PRSS23: variants seen among roughly 807,000 people sequenced by gnomAD.
PRSS23 encodes serine protease 23, also known as protease, serine 23.
A neutral mutation model predicts 34.7 loss-of-function variants in PRSS23; 25 were observed. The observed-to-expected ratio is 0.72, with a 90% confidence interval of 0.53 to 1.01. The LOEUF (loss-of-function observed/expected upper bound fraction) is 1.01, where lower values mean the gene tolerates loss of function less well. Ranked by LOEUF, PRSS23 falls within the 50% of genes least tolerant of loss-of-function variation. The pLI, the probability that PRSS23 is intolerant of heterozygous loss-of-function variation, is 0.00. For synonymous variants in PRSS23, 176 were observed against 186.6 expected (o/e 0.94, Z 0.46); for missense variants, 445 against 475.6 (o/e 0.94, Z 0.60).
chr11:86,812,800 AAAAAG>A (rs1335953419), downstream of PRSS23, among the ~76,000 whole-genome samples: 5 of 147,724 alleles, frequency 3.4e-5, no homozygotes, highest in Non-Finnish European at 7.4e-5. Flanking sequence ...AAAAAAAAAA[AAAAAG>A]AAAAAGAAAA....
At chr11:86,843,276 T>C (rs1565363501) in intron 2 of PRSS23, among the ~76,000 whole-genome samples, 1 of 152,160 alleles carries the variant, frequency 6.6e-6, no homozygotes, top group Non-Finnish European at 1.5e-5. Flanking sequence ...TAACTCAAGA[T>C]GGATTAAAGA....
chr11:86,870,015 C>T (rs1002580796), intron 2 of PRSS23, among the ~76,000 whole-genome samples: 5 of 152,218 alleles, frequency 3.3e-5, no homozygotes, highest in African/African-American at 7.2e-5. Context: ...TTCTCTGACT[C>T]TCTCTTTCAA....
At chr11:86,878,023 C>T (rs1948736538) in intron 2 of PRSS23, among the ~76,000 whole-genome samples, 2 of 151,872 alleles carry the variant, frequency 1.3e-5, no homozygotes, top group Non-Finnish European at 2.9e-5. Context: ...CTTTAAATTT[C>T]TTTCAGTAAT....
intron 1 of PRSS23, chr11:86,823,214 T>C: frequency 1.7e-6 from 1 of 604,610 alleles, no homozygotes; most frequent in South Asian, 2.0e-5. Flanking sequence ...CTATTTCTTT[T>C]ACTTTAGTAT....
chr11:86,800,452 G>C (rs528502340), upstream of PRSS23: 1 of 983,974 alleles, frequency 1.0e-6, no homozygotes, highest in East Asian at 1.1e-4. Flanking sequence ...CGTCCGCGCG[G>C]CTTCCCCGAG....
At chr11:86,830,707 G>A (rs960718595) in intron 2 of PRSS23, among the ~76,000 whole-genome samples, 10 of 152,088 alleles carry the variant, frequency 6.6e-5, no homozygotes, top group South Asian at 2.1e-4. Flanking sequence ...AATATTATTC[G>A]TAATATCCTA....
chr11:86,872,535 T>C (rs776638929), intron 2 of PRSS23, among the ~76,000 whole-genome samples: 1 of 152,208 alleles, frequency 6.6e-6, no homozygotes, highest in Non-Finnish European at 1.5e-5. Context: ...CAAGTTTTAT[T>C]TATATTTGTC....
intron 2 of PRSS23, among the ~76,000 whole-genome samples, chr11:86,842,984 C>T (rs1948459700): frequency 6.6e-6 from 1 of 152,120 alleles, no homozygotes. Flanking sequence ...GCAAAAAGAA[C>T]AAAGATGGAG....
chr11:86,910,788 C>G (rs1463694973), intron 2 of PRSS23: 1 of 152,066 alleles, frequency 6.6e-6, no homozygotes, highest in African/African-American at 2.4e-5. Context: ...CCAAGTTCTC[C>G]CACTTTAATA....
At chr11:86,869,275 C>T (rs1948669660) in intron 2 of PRSS23, among the ~76,000 whole-genome samples, 1 of 152,114 alleles carries the variant, frequency 6.6e-6, no homozygotes, top group South Asian at 2.1e-4. Flanking sequence ...ATGAGGGAGA[C>T]TAAATACCAT....
At chr11:86,836,541 G>A (rs938110099) in intron 2 of PRSS23, among the ~76,000 whole-genome samples, 5 of 152,180 alleles carry the variant, frequency 3.3e-5, no homozygotes, top group African/African-American at 1.2e-4. Context: ...CCTAACAAGG[G>A]AGTGGGGCTT....
At chr11:86,845,351 G>A (rs1044948692) in intron 2 of PRSS23, among the ~76,000 whole-genome samples, 2 of 152,088 alleles carry the variant, frequency 1.3e-5, no homozygotes, top group Non-Finnish European at 2.9e-5. Flanking sequence ...TCAGGTCAGG[G>A]GATACTTCAG....
chr11:86,860,675 G>T (rs1174706644), intron 2 of PRSS23, among the ~76,000 whole-genome samples: 3 of 151,082 alleles, frequency 2.0e-5, no homozygotes, highest in Non-Finnish European at 1.5e-5. Context: ...CGTTACCCCT[G>T]TGTTATAGTT....
At chr11:86,823,031 C>T (rs527815704) in intron 1 of PRSS23, among the ~76,000 whole-genome samples, 2 of 152,294 alleles carry the variant, frequency 1.3e-5, no homozygotes, top group Non-Finnish European at 2.9e-5. Context: ...TTTCTGCCTC[C>T]AGGGATCAAG....
intron 2 of PRSS23, among the ~76,000 whole-genome samples, chr11:86,917,652 T>G (rs1590927201): frequency 6.6e-6 from 1 of 152,212 alleles, no homozygotes; most frequent in Non-Finnish European, 1.5e-5. Flanking sequence ...ACTATCTGAT[T>G]TGTAGGATCT....
At chr11:86,854,848 A>AAAAC (rs1265412523) in intron 2 of PRSS23, among the ~76,000 whole-genome samples, 5 of 152,216 alleles carry the variant, frequency 3.3e-5, no homozygotes, top group Middle Eastern at 3.2e-3. Flanking sequence ...CCTGGGCTCA[A>AAAAC]AAACAAACAA....
upstream of PRSS23, among the ~76,000 whole-genome samples, chr11:86,797,886 T>C (rs12805405): frequency 0.2 from 29,990 of 152,158 alleles, 3,197 homozygotes; most frequent in Middle Eastern, 0.24. Flanking sequence ...AAAAGTTAAG[T>C]GAAAAGCCAC....
At chr11:86,875,694 A>T (rs554690384) in intron 2 of PRSS23, among the ~76,000 whole-genome samples, 6 of 152,326 alleles carry the variant, frequency 3.9e-5, no homozygotes, top group Admixed American at 2.6e-4. Context: ...GAACAAGTTT[A>T]TTTTCTTTAC....
At chr11:86,916,488 A>G (rs1949013600) in intron 2 of PRSS23, among the ~76,000 whole-genome samples, 1 of 152,124 alleles carries the variant, frequency 6.6e-6, no homozygotes, top group Admixed American at 6.5e-5. Context: ...ATTTTTCTTC[A>G]TTTACTTTGG....
Sources: gnomAD v4.1 joint callset for allele counts (sites outside exome capture counted in the v4.1 genomes callset) on GRCh38, gnomAD v4.1.1 for gene constraint, MANE v1.5 for transcripts, NCBI Gene and HGNC (gene_info 2026-07-23, HGNC 2026-07-21) for gene names.